Variants in DOCK1 observed in about 807,000 individuals in gnomAD.
DOCK1 encodes dedicator of cytokinesis 1.
DOCK1 carries 138 observed loss-of-function variants against 262.7 expected under a neutral mutation model. The observed-to-expected ratio is 0.53, with a 90% confidence interval of 0.46 to 0.61. The LOEUF is 0.61. Among genes scored for constraint, DOCK1 ranks in the 20% least tolerant of loss-of-function variants. DOCK1 has a pLI of 0.00. For synonymous variants in DOCK1, 866 were observed against 867.4 expected (o/e 1.00, Z 0.03); for missense variants, 1,908 against 2,370.7 (o/e 0.80, Z 4.05).
At chr10:126,963,221 A>G (rs2037361526) in intron 1 of DOCK1, among the ~76,000 whole-genome samples, 2 of 152,036 alleles carry the variant, frequency 1.3e-5, no homozygotes, top group Admixed American at 6.5e-5. Context: ...GGGTTTTTCT[A>G]TTTCTGTGGA....
At chr10:127,088,053 A>G (rs1450130606) in intron 23 of DOCK1, among the ~76,000 whole-genome samples, 2 of 152,226 alleles carry the variant, frequency 1.3e-5, no homozygotes, top group African/African-American at 4.8e-5. Context: ...ACAAATGCGT[A>G]GTGAAAGGCA....
rs988305032 is a variant in DOCK1, at chr10:127,375,653, G to A, written c.3675+1439G>A. On this transcript the variant is annotated intron_variant, in intron 35 of 51. Transcript: ENST00000623213. ...GTGCTGGATCTGTGCTTTGCCATGA[G>A]GAACTTCACAGCTGAAAGCTCATGA... Among the ~76,000 whole-genome samples the A allele has an allele frequency of 2.6e-5, 4 of 152,226 alleles. No individual in the cohort carries two copies. In the South Asian group the frequency reaches 8.3e-4, roughly 32 times the overall value.
intron 29 of DOCK1, among the ~76,000 whole-genome samples, chr10:127,294,088 C>A (rs911880091): frequency 4.6e-5 from 7 of 152,186 alleles, no homozygotes; most frequent in African/African-American, 1.7e-4. Flanking sequence ...GTGCAGGTGA[C>A]CACTTGTCTC....
chr10:127,404,479 A>T lies in DOCK1; in HGVS notation c.4122+50A>T, dbSNP rs1360918204. The T allele has an allele frequency of 1.9e-6, 3 of 1,558,566 alleles. No homozygotes were observed. The South Asian group carries it at 3.5e-5, about 18-fold the overall frequency. ...GAGCCATGATTGTTCCCCCAGCAGAAAATCCCCTTCCCGTTCTGAGGAAGG... is the reference window on the plus strand; with the variant it reads ...GAGCCATGATTGTTCCCCCAGCAGATAATCCCCTTCCCGTTCTGAGGAAGG... On this transcript the variant is annotated intron_variant, in intron 40 of 51. Coordinates refer to ENST00000623213, the MANE Select transcript of DOCK1 (RefSeq NM_001290223.2).
intron 6 of DOCK1, among the ~76,000 whole-genome samples, chr10:126,993,266 T>A (rs904609133): frequency 6.6e-6 from 1 of 152,238 alleles, no homozygotes; most frequent in Non-Finnish European, 1.5e-5. Context: ...ACCTACTGGC[T>A]GGGCCTCCTA....
chr10:127,111,540 C>G (rs2132878114), intron 25 of DOCK1, among the ~76,000 whole-genome samples: 1 of 152,228 alleles, frequency 6.6e-6, no homozygotes, highest in Non-Finnish European at 1.5e-5. Flanking sequence ...ACTGAATTGC[C>G]CACTCACCAG....
chr10:127,248,560 A>T (rs1228195015), intron 28 of DOCK1, among the ~76,000 whole-genome samples: 2 of 152,224 alleles, frequency 1.3e-5, no homozygotes, highest in Non-Finnish European at 2.9e-5. Context: ...ATTTCTCCAA[A>T]TAATTCTCTA....
intron 27 of DOCK1, among the ~76,000 whole-genome samples, chr10:127,197,675 C>G (rs998785015): frequency 1.3e-5 from 2 of 152,204 alleles, no homozygotes; most frequent in Non-Finnish European, 2.9e-5. Flanking sequence ...CCTCTCCAGA[C>G]ACATCAGTGG....
At chr10:127,402,835 A>C in intron 38 of DOCK1, 1 of 654,916 alleles carries the variant, frequency 1.5e-6, no homozygotes, top group East Asian at 3.3e-5. Context: ...TGCGTGATTG[A>C]CATGCCAGTG....
chr10:127,350,307 C>T (rs1328029217), intron 31 of DOCK1, among the ~76,000 whole-genome samples: 2 of 72,102 alleles, frequency 2.8e-5, no homozygotes, highest in African/African-American at 8.7e-5. Context: ...TCACGGTGCA[C>T]CCCTCACCCC....
At chr10:127,368,991 T>C (rs1200129563) in intron 33 of DOCK1, among the ~76,000 whole-genome samples, 1 of 152,206 alleles carries the variant, frequency 6.6e-6, no homozygotes, top group Non-Finnish European at 1.5e-5. Flanking sequence ...TTTTCTGTCA[T>C]CTTTGTGAGG....
At chr10:127,251,400 C>T (rs1346304789) in intron 28 of DOCK1, among the ~76,000 whole-genome samples, 17 of 151,094 alleles carry the variant, frequency 1.1e-4, no homozygotes, top group Admixed American at 8.6e-4. Context: ...TATTATTATA[C>T]TTTAAGTTTT....
At chr10:127,374,365 A>AAGG (rs2065369502) in intron 35 of DOCK1, among the ~76,000 whole-genome samples, 151 bp downstream of exon 35, 1 of 152,042 alleles carries the variant, frequency 6.6e-6, no homozygotes, top group African/African-American at 2.4e-5. Context: ...TGCTGCAGGG[A>AAGG]AGGAATCATG....
intron 23 of DOCK1, among the ~76,000 whole-genome samples, chr10:127,072,833 A>T (rs1369187516): frequency 6.6e-6 from 1 of 152,224 alleles, no homozygotes; most frequent in Non-Finnish European, 1.5e-5. Context: ...AGAGAACATC[A>T]TCATGCAAAG....
At chr10:127,347,880 T>TTCCCA (rs1565012418) in intron 31 of DOCK1, among the ~76,000 whole-genome samples, 2 of 25,672 alleles carry the variant, frequency 7.8e-5, no homozygotes, top group Non-Finnish European at 1.4e-4. Context: ...TTCCCTTCCC[T>TTCCCA]TCCCATCCCT....
intron 38 of DOCK1, among the ~76,000 whole-genome samples, chr10:127,397,896 T>C (rs2067005353): frequency 6.6e-6 from 1 of 152,156 alleles, no homozygotes; most frequent in South Asian, 2.1e-4. Context: ...GTGACTCCTC[T>C]ATGACATGGG....
chr10:127,370,728 C>A (rs564603830), intron 33 of DOCK1, among the ~76,000 whole-genome samples: 1 of 152,188 alleles, frequency 6.6e-6, no homozygotes, highest in African/African-American at 2.4e-5. Context: ...AATATCGCTT[C>A]GAGCACAGCC....
At chr10:127,410,373 G>A (rs1045140222) in intron 42 of DOCK1, among the ~76,000 whole-genome samples, 5 of 152,208 alleles carry the variant, frequency 3.3e-5, no homozygotes, top group Admixed American at 2.0e-4. Context: ...TCCACGCCCT[G>A]CCCTGTGCAT....
chr10:126,979,678 C>G (rs1255904373), intron 3 of DOCK1, among the ~76,000 whole-genome samples: 2 of 152,192 alleles, frequency 1.3e-5, no homozygotes, highest in African/African-American at 4.8e-5. Context: ...CTCATCAACA[C>G]AGTAGCGCTG....
Sources: allele counts gnomAD v4.1 joint callset (sites outside exome capture counted in the v4.1 genomes callset), GRCh38; gene constraint gnomAD v4.1.1; transcripts MANE v1.5; gene names NCBI Gene and HGNC (gene_info 2026-07-23, HGNC 2026-07-21).